FRYL: variants seen among roughly 807,000 people sequenced by gnomAD.
FRYL encodes the protein protein furry homolog-like.
A neutral mutation model predicts 351.2 loss-of-function variants in FRYL; 150 were observed. That is an observed-to-expected ratio of 0.43 (90% CI 0.37 to 0.49). The LOEUF is 0.49. Ranked by LOEUF, FRYL falls within the 20% of genes least tolerant of loss-of-function variation. The pLI, the probability that FRYL is intolerant of heterozygous loss-of-function variation, is 0.00. For synonymous variants in FRYL, 1,153 were observed against 1,257.1 expected, an observed-to-expected ratio of 0.92 and a Z score of 1.75; for missense variants, 3,036 against 3,619.3, an observed-to-expected ratio of 0.84 and a Z score of 4.13.
At chr4:48,767,692 G>C (rs879494715) in intron 1 of FRYL, among the ~76,000 whole-genome samples, 1 of 152,142 alleles carries the variant, frequency 6.6e-6, no homozygotes, top group Admixed American at 6.5e-5. Flanking sequence ...TTGGTGAAAC[G>C]GTACAAACTT....
intron 2 of FRYL, among the ~76,000 whole-genome samples, chr4:48,699,981 T>C (rs543349789): frequency 6.6e-6 from 1 of 152,244 alleles, no homozygotes; most frequent in East Asian, 1.9e-4. Context: ...AAAATTTAAG[T>C]GCTCTAAAAA....
intron 2 of FRYL, among the ~76,000 whole-genome samples, chr4:48,688,571 G>T (rs1378428612): frequency 6.6e-6 from 1 of 151,180 alleles, no homozygotes; most frequent in Non-Finnish European, 1.5e-5. Context: ...CTCTTCAATT[G>T]CTAAGTAATT....
intron 4 of FRYL, among the ~76,000 whole-genome samples, chr4:48,626,256 G>A (rs1560741725): frequency 6.6e-6 from 1 of 152,028 alleles, no homozygotes; most frequent in African/African-American, 2.4e-5. Flanking sequence ...CTCTATGTGT[G>A]TGTGTGTGTA....
chr4:48,620,885 G>T, intron 5 of FRYL, 107 bp from the exon 6 acceptor site: 1 of 960,304 alleles, frequency 1.0e-6, no homozygotes, highest in Non-Finnish European at 1.5e-6. Flanking sequence ...GTAACTCAAT[G>T]CAATAAATGT....
chr4:48,723,995 G>C (rs1201939071), intron 1 of FRYL, among the ~76,000 whole-genome samples: 1 of 150,770 alleles, frequency 6.6e-6, no homozygotes, highest in East Asian at 1.9e-4. Context: ...GGGTGTGGTG[G>C]CACACACCTG....
rs1458091845 is a variant in FRYL at position 48,581,007 on chromosome 4, C to T, written c.2173-56G>A. On this transcript the variant is annotated intron_variant, in intron 21 of 63. Transcript: ENST00000358350. ...ATTAGGAATGTTTAAGCAAAGTAGCCAAACCCAAGTAAACACTAAAAATTC... is the reference window on the plus strand; with the variant it reads ...ATTAGGAATGTTTAAGCAAAGTAGCTAAACCCAAGTAAACACTAAAAATTC... The T allele has an allele frequency of 6.3e-6, 7 of 1,106,860 alleles. No individual in the cohort carries two copies. The East Asian group carries it at 1.7e-4, about 27-fold the overall frequency. 68.6% of individuals were successfully genotyped at this position (1,106,860 alleles called of 1,614,324 possible).
intron 16 of FRYL, among the ~76,000 whole-genome samples, chr4:48,593,710 C>G (rs1411584561): frequency 6.6e-6 from 1 of 152,084 alleles, no homozygotes; most frequent in Non-Finnish European, 1.5e-5. Context: ...TTCACTCCAG[C>G]CTGGGCAACA....
chr4:48,715,621 A>T (rs1299543825), intron 1 of FRYL, among the ~76,000 whole-genome samples: 1 of 151,968 alleles, frequency 6.6e-6, no homozygotes, highest in Non-Finnish European at 1.5e-5. Context: ...ATGAAATAAA[A>T]GAGGATACAA....
chr4:48,750,215 C>T (rs1773106055), intron 1 of FRYL, among the ~76,000 whole-genome samples: 1 of 150,658 alleles, frequency 6.6e-6, no homozygotes, highest in South Asian at 2.1e-4. Context: ...AATACTAGCA[C>T]TCTGGGAGGC....
chr4:48,597,262 ATGAATAGG>A (rs1744778748), intron 13 of FRYL, among the ~76,000 whole-genome samples: 1 of 152,168 alleles, frequency 6.6e-6, no homozygotes, highest in South Asian at 2.1e-4. Context: ...GTAGAGAGAA[ATGAATAGG>A]CAAAGCATGA....
chr4:48,599,697 C>T (rs965093358), intron 13 of FRYL, among the ~76,000 whole-genome samples: 3 of 152,204 alleles, frequency 2.0e-5, no homozygotes, highest in East Asian at 1.9e-4. Flanking sequence ...TGCTGGCTCC[C>T]GAAACACGGG....
chr4:48,753,668 GT>G (rs1773477222), intron 1 of FRYL, among the ~76,000 whole-genome samples: 1 of 151,996 alleles, frequency 6.6e-6, no homozygotes, highest in Non-Finnish European at 1.5e-5. Flanking sequence ...TTAATCTTCT[GT>G]TGTCTGTGCT....
At chr4:48,706,159 T>C (rs1304597099) in intron 2 of FRYL, among the ~76,000 whole-genome samples, 1 of 152,152 alleles carries the variant, frequency 6.6e-6, no homozygotes, top group Admixed American at 6.5e-5. Flanking sequence ...GTAGACTGAA[T>C]TGAAAGACTT....
rs1735507083 is a variant in FRYL at position 48,561,587 on chromosome 4, C to T, written c.3746G>A (p.Arg1249Lys). 3 of 1,612,300 alleles carry T rather than the reference C, an allele frequency of 1.9e-6. No homozygotes were observed. The highest frequency in any genetic ancestry group is 2.5e-6 in the Non-Finnish European group (3 of 1,178,808). ...FRYAHKLEVQ[R>K]TDGVLSQLSP... ...CAGCTGGCTGAGTACTCCATCTGTTCTCTGAACCTCCAATTTGTGAGCATA... is the reference window on the plus strand; with the variant it reads ...CAGCTGGCTGAGTACTCCATCTGTTTTCTGAACCTCCAATTTGTGAGCATA... Residue 1249 changes from arginine to lysine, a missense_variant, in exon 33 of 64, where the codon AGA becomes AAA. Physicochemically the swap from Arg to Lys is conservative, Grantham distance 26. Transcript: ENST00000358350.
Position 48,602,065 on chromosome 4 carries a change from T to TA in FRYL, c.989dup (p.Leu330PhefsTer3). 20 of 1,600,094 alleles carry TA rather than the reference T, an allele frequency of 1.2e-5. No homozygotes were observed. Among genetic ancestry groups the TA allele is most frequent in the Non-Finnish European group, 1.5e-5 (18 of 1,168,082 alleles). ...TCTGTAGGAAAATATGCCAGTTATT[T>TA]AAAAAAAATTGTTTCTGACTGACAC... On this transcript the variant is annotated frameshift_variant, in exon 13 of 64. Coordinates refer to ENST00000358350, the MANE Select transcript of FRYL (RefSeq NM_015030.2). LOFTEE classifies it high-confidence loss of function.
chr4:48,644,265 T>C (rs538615549), intron 3 of FRYL, among the ~76,000 whole-genome samples: 4 of 152,098 alleles, frequency 2.6e-5, no homozygotes, highest in African/African-American at 9.7e-5. Context: ...TTTGAGACTG[T>C]TTTGTCTAGG....
intron 1 of FRYL, among the ~76,000 whole-genome samples, chr4:48,747,213 T>A (rs551817439): frequency 6.6e-6 from 1 of 151,290 alleles, no homozygotes. Flanking sequence ...TTCTTGCATT[T>A]GTAATTCATA....
At chr4:48,610,536 ACTTT>A (rs1256518139) in intron 7 of FRYL, among the ~76,000 whole-genome samples, 3 of 150,756 alleles carry the variant, frequency 2.0e-5, no homozygotes, top group South Asian at 4.2e-4. Flanking sequence ...GCCTCCTTAT[ACTTT>A]CTAACAGCCA....
intron 57 of FRYL, 79 bp from the exon 58 acceptor site, chr4:48,511,063 G>GGGTA: frequency 1.2e-6 from 1 of 816,942 alleles, no homozygotes; most frequent in Non-Finnish European, 1.9e-6. Flanking sequence ...AAGCATAATA[G>GGGTA]GGTAGACTTT....
Sources: allele counts gnomAD v4.1 joint callset (sites outside exome capture counted in the v4.1 genomes callset), GRCh38; gene constraint gnomAD v4.1.1; transcripts MANE v1.5; gene names NCBI Gene and HGNC (gene_info 2026-07-23, HGNC 2026-07-21).